ANXA5: variants seen among roughly 807,000 people sequenced by gnomAD.
The protein encoded by ANXA5 is CBP-I.
A neutral mutation model predicts 48.1 loss-of-function variants in ANXA5; 40 were observed. The ratio of observed to expected loss-of-function variants is 0.83; its 90% CI spans 0.65 to 1.08. ANXA5 has a LOEUF of 1.08. Ranked by LOEUF, ANXA5 falls within the 50% of genes least tolerant of loss-of-function variation. The probability of loss-of-function intolerance (pLI) is 0.00; values close to 1 mark genes in which losing one functional copy is unlikely to be tolerated. For missense variants in ANXA5, 357 were observed against 376.8 expected, an observed-to-expected ratio of 0.95 and a Z score of 0.44; for synonymous variants, 113 against 129.1, an observed-to-expected ratio of 0.88 and a Z score of 0.85.
At chr4:121,686,397 T>C in intron 2 of ANXA5, 25 bp from the exon 3 acceptor site, 1 of 1,555,596 alleles carries the variant, frequency 6.4e-7, no homozygotes, top group Non-Finnish European at 8.9e-7. Context: ...ACAGTGGTAT[T>C]ATTCATATCA....
intron 12 of ANXA5, 49 bp downstream of exon 12, chr4:121,669,553 C>T: frequency 1.2e-6 from 2 of 1,607,972 alleles, no homozygotes; most frequent in Non-Finnish European, 1.7e-6. Context: ...ATGCAACATA[C>T]CAGTCTGCTT....
At chr4:121,696,779 G>A (rs888249623) in intron 1 of ANXA5, 84 bp downstream of exon 1, 10 of 414,864 alleles carry the variant, frequency 2.4e-5, no homozygotes, top group Non-Finnish European at 4.3e-5. Context: ...ACAGCTCTCG[G>A]CCGAGCGTCC....
chr4:121,671,674 G>T, intron 9 of ANXA5, 32 bp from the exon 10 acceptor site: 1 of 1,373,940 alleles, frequency 7.3e-7, no homozygotes, highest in Non-Finnish European at 1.0e-6. Context: ...CCCTAATCAT[G>T]TAGGGATCAC....
chr4:121,674,574 T>C (rs1724667849), intron 8 of ANXA5, among the ~76,000 whole-genome samples: 1 of 152,164 alleles, frequency 6.6e-6, no homozygotes, highest in Non-Finnish European at 1.5e-5. Context: ...GTACAGGAGT[T>C]AAGCCTGTTA....
chr4:121,684,478 A>G (rs1724845120), intron 4 of ANXA5, among the ~76,000 whole-genome samples, 199 bp downstream of exon 4: 1 of 152,218 alleles, frequency 6.6e-6, no homozygotes, highest in Non-Finnish European at 1.5e-5. Flanking sequence ...GCAAGGAAAA[A>G]CAATTATGTG....
chr4:121,681,808 G>A, intron 5 of ANXA5, 47 bp from the exon 6 acceptor site: 1 of 1,391,700 alleles, frequency 7.2e-7, no homozygotes, highest in South Asian at 1.2e-5. Flanking sequence ...AGATTAAAAA[G>A]AAAGTTATTA....
intron 8 of ANXA5, among the ~76,000 whole-genome samples, chr4:121,677,317 A>G (rs1217509068): frequency 3.3e-5 from 5 of 152,154 alleles, no homozygotes; most frequent in African/African-American, 1.2e-4. Flanking sequence ...TTCCTTTCCT[A>G]TATTTTAATA....
At chr4:121,693,128 G>A (rs576983291) in intron 2 of ANXA5, among the ~76,000 whole-genome samples, 3 of 152,226 alleles carry the variant, frequency 2.0e-5, no homozygotes, top group Non-Finnish European at 2.9e-5. Flanking sequence ...CAGCTACTCC[G>A]GAGGCTGAGG....
intron 10 of ANXA5, among the ~76,000 whole-genome samples, chr4:121,670,922 A>T (rs1451333476): frequency 6.6e-6 from 1 of 152,154 alleles, no homozygotes; most frequent in Non-Finnish European, 1.5e-5. Context: ...CAAACAGCAG[A>T]CAGAGGCTCA....
intron 8 of ANXA5, among the ~76,000 whole-genome samples, chr4:121,674,847 T>G (rs1466709062): frequency 6.6e-6 from 1 of 152,176 alleles, no homozygotes; most frequent in Non-Finnish European, 1.5e-5. Flanking sequence ...AGCTTTACGG[T>G]TCAGCCTGAG....
chr4:121,671,606 A>G lies in ANXA5; in HGVS notation c.662T>C (p.Ile221Thr), dbSNP rs1160145684. The change falls in exon 10 of 13, where the codon ATT becomes ACT. Residue 221 changes from isoleucine (I) to threonine (T), a missense_variant. Coordinates refer to ENST00000296511, the MANE Select transcript of ANXA5 (RefSeq NM_001154.4). ...DKYMTISGFQIEETIDRETSG... is the reference protein window; with the variant it reads ...DKYMTISGFQTEETIDRETSG... ...AGTCTCGCGGTCAATGGTTTCCTCA[A>G]TTTGAAATCCTGATATAGTCATGTA... 1.2e-6 allele frequency: 2 copies of G among 1,613,488 alleles called. No individual in the cohort carries two copies. Among genetic ancestry groups the G allele is most frequent in the East Asian group, 4.5e-5 (2 of 44,854 alleles).
intron 2 of ANXA5, among the ~76,000 whole-genome samples, chr4:121,694,429 G>A (rs1190823780): frequency 6.6e-6 from 1 of 152,026 alleles, no homozygotes; most frequent in Non-Finnish European, 1.5e-5. Flanking sequence ...CTGTTGCCCA[G>A]GCTGGAGTGC....
chr4:121,695,993 CGTTCCACGAGTTCATTGCTTAA>C (rs1725073403), intron 2 of ANXA5, among the ~76,000 whole-genome samples: 1 of 151,160 alleles, frequency 6.6e-6, no homozygotes, highest in African/African-American at 2.4e-5. Context: ...ATTGAGAACT[CGTTCCACGAGTTCATTGCTTAA>C]GAAAAACAGC....
Position 121,669,613 on chromosome 4 carries a change from A to C in ANXA5, c.892T>G (p.Ser298Ala). 6.2e-7 allele frequency: 1 copy of C among 1,613,618 alleles called. No individual in the cohort carries two copies. Among genetic ancestry groups the C allele is most frequent in the Non-Finnish European group, 8.5e-7 (1 of 1,179,716 alleles). The stretch of plus-strand genomic sequence containing the variant: ...AAAGGTTCTACTACCTTAATCATGG[A>C]ATAAAGAGAGGTGGCAAAATTCTTC... The part of the protein sequence containing the change: ...FRKNFATSLY[S>A]MIKGDTSGDY... The change falls in exon 12 of 13, where the codon TCC (serine) becomes GCC (alanine). Residue 298 changes from serine (S) to alanine (A), a missense_variant. Physicochemically the swap from Ser to Ala is moderately conservative, Grantham distance 99. Coordinates refer to ENST00000296511, the MANE Select transcript of ANXA5 (RefSeq NM_001154.4).
chr4:121,692,394 T>C (rs887393645), intron 2 of ANXA5, among the ~76,000 whole-genome samples: 1 of 152,350 alleles, frequency 6.6e-6, no homozygotes, highest in South Asian at 2.1e-4. Context: ...AGTTAAATTG[T>C]GTGCTCAAGT....
At chr4:121,675,264 C>CT (rs1724679174) in intron 8 of ANXA5, among the ~76,000 whole-genome samples, 1 of 152,174 alleles carries the variant, frequency 6.6e-6, no homozygotes, top group South Asian at 2.1e-4. Context: ...CTCACTATGG[C>CT]TTATCAAACC....
At position 121,671,515 on chromosome 4, in the gene ANXA5, C is replaced by G. The variant is rs756639275; in HGVS notation, c.721+32G>C. On this transcript the variant is annotated intron_variant, in intron 10 of 12. Transcript: ENST00000296511. ...GAATAAAATGCTTTAGCTCTTACCA[C>G]CAAAAATATCAATACATTGTAAATC... 4 of 1,523,764 alleles carry G rather than the reference C, an allele frequency of 2.6e-6. No homozygotes were observed. In the Admixed American group the frequency reaches 6.7e-5, roughly 25 times the overall value. The allele number at this position is 1,523,764 out of a possible 1,614,324, so 94.4% of individuals were successfully genotyped here.
intron 2 of ANXA5, among the ~76,000 whole-genome samples, chr4:121,694,541 T>C (rs34818442): frequency 0.54 from 81,647 of 151,224 alleles, 23,009 homozygotes; most frequent in African/African-American, 0.7. Flanking sequence ...TGCACCACCA[T>C]GCCCAGCTAA....
At chr4:121,688,001 G>A (rs537513610) in intron 2 of ANXA5, among the ~76,000 whole-genome samples, 1 of 152,142 alleles carries the variant, frequency 6.6e-6, no homozygotes, top group African/African-American at 2.4e-5. Context: ...CCCACCACAT[G>A]ACGGTAAATA....
Sources: gnomAD v4.1 joint callset for allele counts (sites outside exome capture counted in the v4.1 genomes callset) on GRCh38, gnomAD v4.1.1 for gene constraint, MANE v1.5 for transcripts, NCBI Gene and HGNC (gene_info 2026-07-23, HGNC 2026-07-21) for gene names.